ELMOD3: variants seen among roughly 807,000 people sequenced by gnomAD.
ELMOD3 encodes ELMO domain-containing protein 3.
In ELMOD3, 36 loss-of-function variants were observed where a neutral mutation model predicts 47.4. That is an observed-to-expected ratio of 0.76 (90% CI 0.58 to 1.00). ELMOD3 has a LOEUF of 1.00. Ranked by LOEUF, ELMOD3 falls within the 50% of genes least tolerant of loss-of-function variation. ELMOD3 has a pLI of 0.00. For missense variants in ELMOD3, 404 were observed against 463.8 expected, an observed-to-expected ratio of 0.87 and a Z score of 1.18; for synonymous variants, 149 against 183.5, an observed-to-expected ratio of 0.81 and a Z score of 1.52.
Position 85,365,376 on chromosome 2 carries a change from A to C in ELMOD3, c.199+2210A>C, listed in dbSNP as rs567257745. ...AAAAAAAATATATATATAATAAATAAAAATAAATGTAAAAGAGAATTAATA... is the reference window on the plus strand; with the variant it reads ...AAAAAAAATATATATATAATAAATACAAATAAATGTAAAAGAGAATTAATA... On this transcript the variant is annotated intron_variant, in intron 6 of 13. Transcript: ENST00000409013. Among the ~76,000 whole-genome samples the C allele has an allele frequency of 7.3e-5, 11 of 151,418 alleles. 1 individual carries two copies. Among genetic ancestry groups the C allele is most frequent in the Admixed American group, 7.2e-4 (11 of 15,236 alleles).
At chr2:85,368,541 C>G (rs1684562963) in intron 6 of ELMOD3, 145 bp from the exon 7 acceptor site, 1 of 671,904 alleles carries the variant, frequency 1.5e-6, no homozygotes, top group Non-Finnish European at 2.6e-6. Flanking sequence ...TGAATAGCCA[C>G]TGCACTCCAG....
chr2:85,382,034 G>A (rs13031179), intron 11 of ELMOD3, among the ~76,000 whole-genome samples: 7,311 of 145,276 alleles, frequency 0.05, 207 homozygotes, highest in Non-Finnish European at 0.065. Context: ...GGAGAATGGC[G>A]TGAACCCAGG....
At position 85,364,825 on chromosome 2, in the gene ELMOD3, A is replaced by ATTT. The variant is rs869054374; in HGVS notation, c.199+1680_199+1682dup. Among the ~76,000 whole-genome samples the ATTT allele has an allele frequency of 4.0e-3, 283 of 69,912 alleles. 11 individuals carry two copies. Among genetic ancestry groups the ATTT allele is most frequent in the African/African-American group, 6.8e-3 (102 of 14,964 alleles). The allele number at this position is 69,912 out of a possible 152,430, so 45.9% of individuals were successfully genotyped here. A position where few individuals can be genotyped will look rare whatever the true frequency, so the allele number is the denominator to read the frequency against. On this transcript the variant is annotated intron_variant, in intron 6 of 13. Coordinates refer to ENST00000409013, the MANE Select transcript of ELMOD3 (RefSeq NM_001135022.2). ...AATACATATATATATATATATATATATTTTTTTTTTTTTTTTTTTTTTTCT... is the reference window on the plus strand; with the variant it reads ...AATACATATATATATATATATATATATTTTTTTTTTTTTTTTTTTTTTTTTTCT...
rs1405902697 is a variant in ELMOD3 at position 85,371,434 on chromosome 2, G to T, written c.485-6G>T. On this transcript the variant is annotated splice_polypyrimidine_tract_variant and splice_region_variant and intron_variant, in intron 9 of 13. Coordinates refer to ENST00000409013, the MANE Select transcript of ELMOD3 (RefSeq NM_001135022.2). ...TGGCAGAGAGTGTGGGTGTGTTTTG[G>T]GGCAGGTGGCCTGGATAGCCAAGAC... 6.2e-7 allele frequency: 1 copy of T among 1,614,154 alleles called. No homozygotes were observed. Among genetic ancestry groups the T allele is most frequent in the Non-Finnish European group, 8.5e-7 (1 of 1,180,024 alleles).
intron 11 of ELMOD3, among the ~76,000 whole-genome samples, chr2:85,387,701 G>C (rs1197310768): frequency 6.8e-6 from 1 of 147,888 alleles, no homozygotes; most frequent in Non-Finnish European, 1.5e-5. Flanking sequence ...GTCTCTTGGA[G>C]TTGTTGTAAT....
Position 85,363,177 on chromosome 2 carries a change from C to A in ELMOD3, c.199+11C>A. On this transcript the variant is annotated intron_variant, in intron 6 of 13. Coordinates refer to ENST00000409013, the MANE Select transcript of ELMOD3 (RefSeq NM_001135022.2). ...AATGGGAGCCACGTGGTAAGGTTCC[C>A]TTCAGGGCCCTTGGAGTCTGGGTGG... 1 of 1,567,886 alleles carries A rather than the reference C, an allele frequency of 6.4e-7. No individual in the cohort carries two copies.
chr2:85,357,763 G>A (rs1683664816), intron 4 of ELMOD3, among the ~76,000 whole-genome samples: 1 of 152,164 alleles, frequency 6.6e-6, no homozygotes, highest in Non-Finnish European at 1.5e-5. Flanking sequence ...TTTCTTCACT[G>A]TAGTAATATG....
chr2:85,362,291 GC>G, intron 5 of ELMOD3, 31 bp downstream of exon 5: 1 of 1,325,846 alleles, frequency 7.5e-7, no homozygotes, highest in Non-Finnish European at 1.1e-6. Flanking sequence ...GGTACCTTCT[GC>G]CAGGGCTTTT....
intron 11 of ELMOD3, among the ~76,000 whole-genome samples, chr2:85,378,338 T>C (rs1295095191): frequency 6.6e-6 from 1 of 152,224 alleles, no homozygotes; most frequent in Non-Finnish European, 1.5e-5. Flanking sequence ...AAGTTTATTT[T>C]GCCAAGGTTG....
At chr2:85,367,805 A>T (rs1271005994) in intron 6 of ELMOD3, 1 of 152,230 alleles carries the variant, frequency 6.6e-6, no homozygotes, top group Non-Finnish European at 1.5e-5. Context: ...AACCATCTGT[A>T]GATTGTGAAG....
At chr2:85,382,360 C>G (rs1375418958) in intron 11 of ELMOD3, among the ~76,000 whole-genome samples, 15 of 151,000 alleles carry the variant, frequency 9.9e-5, no homozygotes, top group Non-Finnish European at 1.6e-4. Flanking sequence ...ATGGCATGAA[C>G]CTGGGAGGCG....
At chr2:85,373,363 A>G (rs1684938123) in intron 10 of ELMOD3, among the ~76,000 whole-genome samples, 1 of 152,194 alleles carries the variant, frequency 6.6e-6, no homozygotes, top group African/African-American at 2.4e-5. Context: ...CTATCATGTA[A>G]TTGTCTTAAA....
chr2:85,385,233 C>T (rs1056264109), intron 11 of ELMOD3, among the ~76,000 whole-genome samples: 10 of 152,052 alleles, frequency 6.6e-5, no homozygotes, highest in Non-Finnish European at 1.3e-4. Context: ...GGGAAGCCAC[C>T]GGAGTGAAAA....
At chr2:85,388,728 G>A (rs1201869009) in intron 11 of ELMOD3, among the ~76,000 whole-genome samples, 2 of 152,214 alleles carry the variant, frequency 1.3e-5, no homozygotes, top group Middle Eastern at 6.3e-3. Context: ...ACTGAGCACT[G>A]GAAATGTGGC....
chr2:85,390,424 T>C (rs748696602), intron 13 of ELMOD3, 159 bp downstream of exon 13: 10 of 1,614,086 alleles, frequency 6.2e-6, no homozygotes. Context: ...CCCCCTGGAG[T>C]CTGCTAGTTC....
chr2:85,357,909 A>G (rs1280352081), intron 4 of ELMOD3, among the ~76,000 whole-genome samples: 8 of 152,260 alleles, frequency 5.3e-5, no homozygotes, highest in African/African-American at 1.7e-4. Context: ...CAAATATTTT[A>G]GAGATAAAAT....
chr2:85,389,881 C>G (rs1247685565), intron 12 of ELMOD3, 54 bp downstream of exon 12: 24 of 1,520,194 alleles, frequency 1.6e-5, no homozygotes, highest in Non-Finnish European at 2.2e-5. Context: ...CTTGTTCGTC[C>G]CCACTCTGGC....
chr2:85,389,127 T>A (rs1047695939), intron 11 of ELMOD3, among the ~76,000 whole-genome samples: 1 of 152,230 alleles, frequency 6.6e-6, no homozygotes, highest in Non-Finnish European at 1.5e-5. Flanking sequence ...CTGAGGCCCT[T>A]CCTGGTGAAG....
intron 11 of ELMOD3, among the ~76,000 whole-genome samples, chr2:85,389,371 T>C (rs1284886058): frequency 6.6e-6 from 1 of 152,014 alleles, no homozygotes; most frequent in Admixed American, 6.6e-5. Flanking sequence ...ACCGAGCCTC[T>C]CACTTCTGTC....
Sources: gnomAD v4.1 joint callset for allele counts (sites outside exome capture counted in the v4.1 genomes callset) on GRCh38, gnomAD v4.1.1 for gene constraint, MANE v1.5 for transcripts, NCBI Gene and HGNC (gene_info 2026-07-23, HGNC 2026-07-21) for gene names.